ASPG: variants seen among roughly 807,000 people sequenced by gnomAD.
The protein encoded by ASPG is asparaginase, also known as 60 kDa lysophospholipase.
In ASPG, 53 loss-of-function variants were observed where a neutral mutation model predicts 63.2. The observed-to-expected ratio is 0.84, with a 90% CI of 0.67 to 1.05. The LOEUF is 1.05. Ranked by LOEUF, ASPG falls within the 50% of genes least tolerant of loss-of-function variation. The pLI, the probability that ASPG is intolerant of heterozygous loss-of-function variation, is 0.00. For missense variants in ASPG, 741 were observed against 794.4 expected, an observed-to-expected ratio of 0.93 and a Z score of 0.81; for synonymous variants, 370 against 355.0, an observed-to-expected ratio of 1.04 and a Z score of -0.48.
chr14:104,108,438 C>T (rs74813128), intron 12 of ASPG: 6 of 985,408 alleles, frequency 6.1e-6, no homozygotes, highest in East Asian at 1.1e-4. Flanking sequence ...CTCCCAGCCT[C>T]GCTCCGCTGC....
chr14:104,092,026 A>G (rs1377656520), intron 1 of ASPG, among the ~76,000 whole-genome samples: 1 of 151,964 alleles, frequency 6.6e-6, no homozygotes, highest in East Asian at 1.9e-4. Flanking sequence ...GCTGTGTGCT[A>G]GGCCCTCCAG....
intron 5 of ASPG, among the ~76,000 whole-genome samples, chr14:104,098,221 T>C (rs533549953): frequency 2.0e-4 from 31 of 152,254 alleles, no homozygotes; most frequent in African/African-American, 7.0e-4. Context: ...GAGATACGTA[T>C]GGAGGTTTTA....
chr14:104,108,575 G>T, intron 12 of ASPG: 1 of 985,406 alleles, frequency 1.0e-6, no homozygotes, highest in Non-Finnish European at 1.2e-6. Context: ...CTTTGCAGGG[G>T]TGGGGGCACG....
chr14:104,095,897 C>T (rs2036576225), intron 4 of ASPG, among the ~76,000 whole-genome samples: 1 of 152,140 alleles, frequency 6.6e-6, no homozygotes, highest in African/African-American at 2.4e-5. Context: ...GCTGTGAGGC[C>T]CTGGAGCACC....
At chr14:104,098,059 T>A (rs1415384907) in intron 5 of ASPG, among the ~76,000 whole-genome samples, 1 of 88,390 alleles carries the variant, frequency 1.1e-5, no homozygotes, top group African/African-American at 3.7e-5. Flanking sequence ...GCGTTAGAGA[T>A]GCGTATGGAG....
chr14:104,091,217 G>A lies in ASPG; in HGVS notation c.83-1416G>A, dbSNP rs1053230561. ...TTCAACCCACCATACATGAGACAGG[G>A]ACACTTGGACACCGGTGTGGGGTGG... On this transcript the variant is annotated intron_variant, in intron 1 of 15. Transcript: ENST00000551177. This position sits in a 1 kb window ranked among gnomAD's most constrained non-coding sequence, Gnocchi z 6.4. Among the ~76,000 whole-genome samples the A allele has an allele frequency of 4.0e-5, 6 of 151,776 alleles. No homozygotes were observed. The highest frequency in any genetic ancestry group is 1.5e-4 in the African/African-American group (6 of 41,296).
chr14:104,093,633 T>C, intron 3 of ASPG, 31 bp downstream of exon 3: 1 of 971,816 alleles, frequency 1.0e-6, no homozygotes, highest in South Asian at 2.6e-5. Flanking sequence ...TGGGTGGGGC[T>C]GTGGTGTGTG....
chr14:104,109,380 C>G lies in ASPG; in HGVS notation c.1520+65C>G. On this transcript the variant is annotated intron_variant, in intron 13 of 15. Transcript: ENST00000551177. The surrounding 1 kb of genome is among the most constrained non-coding windows in gnomAD (Gnocchi z 4.8). Reference sequence around the variant, plus strand: ...GGGACACAGCTTGGGGAAGCGAAGCCAGACCTGCTGGGAGGGACAAGTGAG... The same window carrying G: ...GGGACACAGCTTGGGGAAGCGAAGCGAGACCTGCTGGGAGGGACAAGTGAG... The G allele has an allele frequency of 6.7e-7, 1 of 1,502,738 alleles. No individual in the cohort carries two copies. Among genetic ancestry groups the G allele is most frequent in the Non-Finnish European group, 9.0e-7 (1 of 1,116,352 alleles). The allele number at this position is 1,502,738 out of a possible 1,614,324, so 93.1% of individuals were successfully genotyped here.
intron 1 of ASPG, 48 bp downstream of exon 1, chr14:104,085,900 C>A: frequency 6.6e-7 from 1 of 1,520,028 alleles, no homozygotes; most frequent in Non-Finnish European, 8.8e-7. Flanking sequence ...CTGGCCGCGA[C>A]CGGGAGCCTC....
chr14:104,110,763 C>T lies in ASPG; in HGVS notation c.1521-739C>T. 6.1e-6 allele frequency: 6 copies of T among 985,378 alleles called. No homozygotes were observed. The highest frequency in any genetic ancestry group is 7.2e-6 in the Non-Finnish European group (6 of 829,868). The allele number at this position is 985,378 out of a possible 1,614,324, so 61.0% of individuals were successfully genotyped here. A position where few individuals can be genotyped will look rare whatever the true frequency, so the allele number is the denominator to read the frequency against. On this transcript the variant is annotated intron_variant, in intron 13 of 15. Transcript: ENST00000551177. The surrounding 1 kb of genome is among the most constrained non-coding windows in gnomAD (Gnocchi z 4.7). Reference sequence around the variant, plus strand: ...ACCAGGCCACTTCCCCCAGCCCCTGCACACCATGGGTGGGTGGAGCCTTCC... The same window carrying T: ...ACCAGGCCACTTCCCCCAGCCCCTGTACACCATGGGTGGGTGGAGCCTTCC...
chr14:104,086,008 C>G (rs576584597), intron 1 of ASPG, among the ~76,000 whole-genome samples, 156 bp downstream of exon 1: 9 of 152,266 alleles, frequency 5.9e-5, no homozygotes, highest in African/African-American at 2.2e-4. Context: ...CGGCCACCGG[C>G]GTCCCCACGC....
chr14:104,104,374 C>G lies in ASPG; in HGVS notation c.824C>G (p.Thr275Ser). 2 of 1,612,654 alleles carry G rather than the reference C, an allele frequency of 1.2e-6. No homozygotes were observed. The highest frequency in any genetic ancestry group is 1.7e-6 in the Non-Finnish European group (2 of 1,179,816). ...ACCTTCGGTTCAGGGAACGGACCCA[C>G]CAAGCCCGACCTGCTGCAGGAGCTG... The part of the protein sequence containing the change: ...METFGSGNGP[T>S]KPDLLQELRV... The change falls in exon 8 of 16, where the codon ACC becomes AGC. Residue 275 changes from threonine (T) to serine (S), a missense_variant. By Grantham distance (58) the Thr-to-Ser change is moderately conservative. Coordinates refer to ENST00000551177, the MANE Select transcript of ASPG (RefSeq NM_001080464.3).
At chr14:104,094,885 G>T (rs2036526682) in intron 3 of ASPG, among the ~76,000 whole-genome samples, 1 of 152,196 alleles carries the variant, frequency 6.6e-6, no homozygotes, top group Non-Finnish European at 1.5e-5. Context: ...GGCCTACGGG[G>T]CTTGGTCTTT....
At chr14:104,088,010 G>A (rs1013799167) in intron 1 of ASPG, among the ~76,000 whole-genome samples, 9 of 152,140 alleles carry the variant, frequency 5.9e-5, no homozygotes, top group African/African-American at 1.9e-4. Context: ...GCCCGTCCTC[G>A]TGTGGCTGCG....
chr14:104,089,170 G>A (rs553768561), intron 1 of ASPG, among the ~76,000 whole-genome samples: 4 of 151,810 alleles, frequency 2.6e-5, no homozygotes, highest in Admixed American at 6.6e-5. Context: ...ACAGGCGCCC[G>A]CCACCGTGCC....
intron 8 of ASPG, 52 bp from the exon 9 acceptor site, chr14:104,104,570 G>T: frequency 6.3e-7 from 1 of 1,582,906 alleles, no homozygotes; most frequent in Non-Finnish European, 8.6e-7. Flanking sequence ...CCCCTCATGG[G>T]CTGGGGGCCG....
chr14:104,099,045 G>A (rs2036755341), intron 6 of ASPG, 66 bp downstream of exon 6: 15 of 1,520,084 alleles, frequency 9.9e-6, no homozygotes, highest in Non-Finnish European at 1.3e-5. Context: ...GGCTGCTGCA[G>A]GGAGCTCGTG....
In ASPG at chr14:104,111,680, TGCTCTGCCCCTCCCC is replaced by T. The variant is rs1402044877; in HGVS notation, c.1620+95_1620+109del. On this transcript the variant is annotated intron_variant, in intron 14 of 15. Coordinates refer to ENST00000551177, the MANE Select transcript of ASPG (RefSeq NM_001080464.3). ...ACACCTGGACAATTCACCAGCTCAC[TGCTCTGCCCCTCCCC>T]GCTCTGCCCCTCCCCCAAATGCCTG... 125 of 1,234,786 alleles carry T rather than the reference TGCTCTGCCCCTCCCC, an allele frequency of 1.0e-4. 2 individuals carry two copies. The highest frequency in any genetic ancestry group is 8.4e-4 in the South Asian group (64 of 76,186). 76.5% of individuals were successfully genotyped at this position (1,234,786 alleles called of 1,614,324 possible). A position where few individuals can be genotyped will look rare whatever the true frequency, so the allele number is the denominator to read the frequency against.
At chr14:104,094,055 G>T (rs2036487848) in intron 3 of ASPG, among the ~76,000 whole-genome samples, 1 of 151,958 alleles carries the variant, frequency 6.6e-6, no homozygotes, top group African/African-American at 2.4e-5. Flanking sequence ...CCCAGCCTGG[G>T]GCCTGGGAGC....
Sources: allele counts gnomAD v4.1 joint callset (sites outside exome capture counted in the v4.1 genomes callset), GRCh38; gene constraint gnomAD v4.1.1; non-coding constraint Gnocchi (gnomAD v3.1); transcripts MANE v1.5; gene names NCBI Gene and HGNC (gene_info 2026-07-23, HGNC 2026-07-21).